The following NME5 variants were observed in gnomAD, a reference collection of about 807,000 sequenced individuals.
NME5 encodes the protein nucleoside diphosphate kinase 5.
In NME5, 18 loss-of-function variants were observed where a neutral mutation model predicts 21.6. The ratio of observed to expected loss-of-function variants is 0.83; its 90% CI spans 0.58 to 1.24. NME5 has a LOEUF of 1.24. Among genes scored for constraint, NME5 ranks in the 50% most tolerant of loss-of-function variants. The pLI, the probability that NME5 is intolerant of heterozygous loss-of-function variation, is 0.00. For missense variants in NME5, 223 were observed against 255.4 expected, an observed-to-expected ratio of 0.87 and a Z score of 0.86; for synonymous variants, 70 against 80.6, an observed-to-expected ratio of 0.87 and a Z score of 0.71.
chr5:138,128,381 A>T, intron 4 of NME5, 98 bp downstream of exon 4: 1 of 937,586 alleles, frequency 1.1e-6, no homozygotes, highest in Middle Eastern at 2.1e-4. Flanking sequence ...TACTGGAAAA[A>T]AAATTATTTT....
At chr5:138,131,169 C>G (rs1751556777) in intron 2 of NME5, among the ~76,000 whole-genome samples, 2 of 141,736 alleles carry the variant, frequency 1.4e-5, no homozygotes, top group Non-Finnish European at 3.0e-5. Context: ...GAGTTCAAGA[C>G]CAGCCTGGCC....
At chr5:138,138,937 C>A in intron 1 of NME5, 152 bp from the exon 2 acceptor site, 2 of 703,512 alleles carry the variant, frequency 2.8e-6, no homozygotes, top group South Asian at 1.9e-5. Flanking sequence ...TAGAAACTGC[C>A]ATGTTTTTCT....
At chr5:138,128,361 TA>T (rs1217577487) in intron 4 of NME5, 117 bp downstream of exon 4, 4 of 779,184 alleles carry the variant, frequency 5.1e-6, no homozygotes, top group Non-Finnish European at 6.2e-6. Flanking sequence ...CTTGAAAACA[TA>T]ACAAAATATA....
chr5:138,125,474 G>A (rs1262073641), intron 4 of NME5, among the ~76,000 whole-genome samples: 4 of 152,150 alleles, frequency 2.6e-5, no homozygotes, highest in Non-Finnish European at 5.9e-5. Flanking sequence ...AGCTACTCAA[G>A]GGGCTGAGGT....
At chr5:138,130,936 A>T (rs1561590487) in intron 2 of NME5, among the ~76,000 whole-genome samples, 1 of 150,790 alleles carries the variant, frequency 6.6e-6, no homozygotes, top group Non-Finnish European at 1.5e-5. Flanking sequence ...AAAAAAAGAA[A>T]AAAGAAAAAT....
At chr5:138,118,580 G>T (rs1354190706) in intron 5 of NME5, among the ~76,000 whole-genome samples, 2 of 151,830 alleles carry the variant, frequency 1.3e-5, no homozygotes, top group Non-Finnish European at 2.9e-5. Context: ...CTGCCTCTGG[G>T]TTCAAGTGAT....
intron 4 of NME5, among the ~76,000 whole-genome samples, chr5:138,124,619 C>T (rs921304789): frequency 6.6e-6 from 1 of 152,162 alleles, no homozygotes; most frequent in Admixed American, 6.5e-5. Context: ...CTGCTGGGCT[C>T]AAGTGAATCT....
At chr5:138,117,454 A>C (rs752977423) in intron 5 of NME5, among the ~76,000 whole-genome samples, 8 of 152,146 alleles carry the variant, frequency 5.3e-5, no homozygotes, top group Non-Finnish European at 8.8e-5. Context: ...TTTGCAAATC[A>C]TATATCTAAT....
intron 4 of NME5, chr5:138,127,654 T>G (rs1659973131): frequency 2.0e-6 from 2 of 984,934 alleles, no homozygotes; most frequent in Non-Finnish European, 2.4e-6. Context: ...AACCAAAAAC[T>G]TCAGTGTTCT....
chr5:138,134,522 G>T (rs1222641568), intron 2 of NME5, among the ~76,000 whole-genome samples: 2 of 152,068 alleles, frequency 1.3e-5, no homozygotes, highest in African/African-American at 4.8e-5. Flanking sequence ...GGGATTACAG[G>T]CATGAGCCAC....
rs1444923160 is a variant in NME5, at chr5:138,135,013, AT to A, written c.129+3638del. 2.0e-5 allele frequency among the ~76,000 whole-genome samples: 3 copies of A among 148,420 alleles called. No homozygotes were observed. In the East Asian group the frequency reaches 6.5e-4, roughly 32 times the overall value. On this transcript the variant is annotated intron_variant, in intron 2 of 5. Transcript: ENST00000265191. ...CCACCGCGCCCGGCCGTCACTAAAT[AT>A]TTTTTAAAATATGGACTTTTTTGGC...
intron 2 of NME5, among the ~76,000 whole-genome samples, chr5:138,131,958 T>G (rs1464702433): frequency 6.6e-6 from 1 of 152,152 alleles, no homozygotes. Context: ...TTGGCCAGGC[T>G]GCTCTTGAAC....
Position 138,139,387 on chromosome 5 carries a change from A to C in NME5, c.-22T>G, listed in dbSNP as rs183452354. On this transcript the variant is annotated 5_prime_UTR_variant, in exon 1 of 6. The change abolishes an upstream ATG in the 5' untranslated region. Transcript: ENST00000265191. ...AGTACTCACCTCAGCGGCCGTCCTCATATGGTACAACTTGTTGCTAGGAGA... is the reference window on the plus strand; with the variant it reads ...AGTACTCACCTCAGCGGCCGTCCTCCTATGGTACAACTTGTTGCTAGGAGA... The C allele has an allele frequency of 1.9e-3, 1,898 of 985,596 alleles. 22 individuals are homozygous for C. In the African/African-American group the frequency reaches 0.029, roughly 15 times the overall value. The allele number at this position is 985,596 out of a possible 1,614,324, so 61.1% of individuals were successfully genotyped here. A position where few individuals can be genotyped will look rare whatever the true frequency, so the allele number is the denominator to read the frequency against.
At chr5:138,138,424 C>T in intron 2 of NME5, 1 of 411,828 alleles carries the variant, frequency 2.4e-6, no homozygotes. Flanking sequence ...TTGCCTCTCT[C>T]TGGAGCCTGG....
chr5:138,128,572 C>T lies in NME5; in HGVS notation c.343G>A (p.Ala115Thr). 1 of 1,608,776 alleles carries T rather than the reference C, an allele frequency of 6.2e-7. No homozygotes were observed. The highest frequency in any genetic ancestry group is 8.5e-7 in the Non-Finnish European group (1 of 1,178,144). ...AKETHPDSLR[A>T]IYGTDDLRNA... Reference sequence around the variant, plus strand: ...CTTAGGTCATCTGTGCCATAAATTGCCCTCAGACTAAAAACAAGTTAGAGA... The same window carrying T: ...CTTAGGTCATCTGTGCCATAAATTGTCCTCAGACTAAAAACAAGTTAGAGA... The change falls in exon 4 of 6, where the codon GCA becomes ACA. Residue 115 changes from alanine to threonine, a missense_variant. Physicochemically the swap from Ala to Thr is moderately conservative, Grantham distance 58. Transcript: ENST00000265191.
intron 2 of NME5, 151 bp from the exon 3 acceptor site, chr5:138,129,619 T>G (rs1021044694): frequency 3.1e-6 from 2 of 638,774 alleles, no homozygotes; most frequent in African/African-American, 3.7e-5. Context: ...TATAATTAAA[T>G]GTATGCTGTA....
intron 4 of NME5, among the ~76,000 whole-genome samples, chr5:138,120,228 C>CTTTTTTTTTTTTTTT (rs1561586430): frequency 2.5e-5 from 1 of 40,394 alleles, no homozygotes; most frequent in African/African-American, 6.6e-5. Context: ...CTGCTCCCAG[C>CTTTTTTTTTTTTTTT]TCTTTTTTTT....
At chr5:138,136,292 A>AT (rs1240523351) in intron 2 of NME5, among the ~76,000 whole-genome samples, 10 of 152,222 alleles carry the variant, frequency 6.6e-5, no homozygotes, top group Admixed American at 3.3e-4. Context: ...CATCTGTTGT[A>AT]TTGGTAGATA....
rs1751791178 is a variant in NME5, at chr5:138,138,851, A to AC, written c.-5-67dup. 3 of 1,405,638 alleles carry AC rather than the reference A, an allele frequency of 2.1e-6. No individual in the cohort carries two copies. In the East Asian group the frequency reaches 7.0e-5, roughly 33 times the overall value. The allele number at this position is 1,405,638 out of a possible 1,614,324, so 87.1% of individuals were successfully genotyped here. A position where few individuals can be genotyped will look rare whatever the true frequency, so the allele number is the denominator to read the frequency against. On this transcript the variant is annotated intron_variant, in intron 1 of 5. Transcript: ENST00000265191. ...ACTGCAATGACATGCATTTCCCCCC[A>AC]CCCCCATCGCAAATTCAATGTAATT...
Sources: gnomAD v4.1 joint callset for allele counts (sites outside exome capture counted in the v4.1 genomes callset) on GRCh38, gnomAD v4.1.1 for gene constraint, MANE v1.5 for transcripts, NCBI Gene and HGNC (gene_info 2026-07-23, HGNC 2026-07-21) for gene names.